The following QKI variants were observed in gnomAD, a reference collection of about 807,000 sequenced individuals.
QKI encodes QKI, KH domain containing RNA binding, also known as KH domain-containing RNA-binding protein QKI.
Under a neutral mutation model 39.0 loss-of-function variants are expected in QKI, and 10 were observed. The ratio of observed to expected loss-of-function variants is 0.26; its 90% CI spans 0.16 to 0.43. QKI has a LOEUF of 0.43. QKI is among the 20% of genes least tolerant of loss of function. The pLI, the probability that QKI is intolerant of heterozygous loss-of-function variation, is 1.00. For missense variants in QKI, 218 were observed against 428.0 expected (o/e 0.51, Z 4.33); for synonymous variants, 204 against 155.4 (o/e 1.31, Z -2.33).
chr6:163,528,564 T>C (rs1359803838), intron 3 of QKI, among the ~76,000 whole-genome samples: 1 of 152,164 alleles, frequency 6.6e-6, no homozygotes, highest in African/African-American at 2.4e-5. Context: ...GATGTATTTA[T>C]ATTGCTTAGC....
At chr6:163,568,252 T>C (rs1000550295) in intron 7 of QKI, 22 of 985,138 alleles carry the variant, frequency 2.2e-5, no homozygotes, top group African/African-American at 1.9e-4. Flanking sequence ...GTAGTTTTTT[T>C]CCCCCAGCTA....
chr6:163,465,971 A>G (rs1791712030), intron 2 of QKI, among the ~76,000 whole-genome samples: 1 of 151,778 alleles, frequency 6.6e-6, no homozygotes, highest in African/African-American at 2.4e-5. Flanking sequence ...AAAAAATACA[A>G]AAAAAACAAC....
intron 4 of QKI, among the ~76,000 whole-genome samples, chr6:163,548,527 C>T (rs79504979): frequency 0.048 from 7,265 of 152,242 alleles, 215 homozygotes; most frequent in African/African-American, 0.088. Context: ...TTAAATTTTA[C>T]ACTTTAAACA....
intron 6 of QKI, chr6:163,564,604 G>A: frequency 1.2e-6 from 2 of 1,610,674 alleles, no homozygotes; most frequent in South Asian, 1.1e-5. Context: ...ATAAACGCTT[G>A]GTTTTACATG....
intron 4 of QKI, among the ~76,000 whole-genome samples, chr6:163,538,756 G>A (rs1329224988): frequency 6.6e-6 from 1 of 152,156 alleles, no homozygotes; most frequent in East Asian, 1.9e-4. Context: ...GTGATTTGGA[G>A]TAGTGTTGAA....
intron 1 of QKI, among the ~76,000 whole-genome samples, chr6:163,454,323 T>G (rs956919136): frequency 3.3e-5 from 5 of 152,178 alleles, no homozygotes; most frequent in African/African-American, 1.2e-4. Flanking sequence ...AAAATGTCTA[T>G]GTATATCCAA....
rs1374119809 is a variant in QKI at position 163,574,399 on chromosome 6, G to T, written c.*3689G>T. The stretch of plus-strand genomic sequence containing the variant: ...CTCCTATTAGGGGAGCTTAACTTGG[G>T]TAAAGTCAAAGGCCCACTGGCTGTT... On this transcript the variant is annotated 3_prime_UTR_variant, in exon 8 of 8. Transcript: ENST00000361752. The T allele has an allele frequency of 6.6e-6, 1 of 152,126 alleles. No individual in the cohort carries two copies. The highest frequency in any genetic ancestry group is 2.4e-5 in the African/African-American group (1 of 41,430). 9.4% of individuals were successfully genotyped at this position (152,126 alleles called of 1,614,324 possible).
intron 1 of QKI, among the ~76,000 whole-genome samples, chr6:163,426,362 C>T (rs1034425299): frequency 6.6e-6 from 1 of 151,998 alleles, no homozygotes; most frequent in African/African-American, 2.4e-5. Flanking sequence ...TAGCATCTTC[C>T]ACTGGAGTAC....
chr6:163,437,557 G>C (rs1789411316), intron 1 of QKI, among the ~76,000 whole-genome samples: 1 of 152,172 alleles, frequency 6.6e-6, no homozygotes, highest in Non-Finnish European at 1.5e-5. Context: ...GAAAACACCT[G>C]AAGTAATTGA....
At chr6:163,449,593 G>A (rs529137465) in intron 1 of QKI, among the ~76,000 whole-genome samples, 1 of 152,264 alleles carries the variant, frequency 6.6e-6, no homozygotes, top group South Asian at 2.1e-4. Flanking sequence ...TACAAATCCT[G>A]AAAGTAATTC....
chr6:163,566,816 C>G, intron 7 of QKI, 21 bp downstream of exon 7: 1 of 1,612,276 alleles, frequency 6.2e-7, no homozygotes, highest in Non-Finnish European at 8.5e-7. Context: ...TTCTGCAGTT[C>G]TTGTCTATAA....
At chr6:163,527,264 C>A (rs1288864064) in intron 3 of QKI, among the ~76,000 whole-genome samples, 5 of 152,132 alleles carry the variant, frequency 3.3e-5, no homozygotes, top group African/African-American at 4.8e-5. Flanking sequence ...TGTGTGAAAT[C>A]TACTTTATGC....
At position 163,574,446 on chromosome 6, in the gene QKI, C is replaced by T. The variant is rs979161803; in HGVS notation, c.*3736C>T. Reference sequence around the variant, plus strand: ...TGTTTCTCATGGTGGCCTGAAGCCCCGCTGCTTTCCAGTGAGGAAAAGAAC... The same window carrying T: ...TGTTTCTCATGGTGGCCTGAAGCCCTGCTGCTTTCCAGTGAGGAAAAGAAC... On this transcript the variant is annotated 3_prime_UTR_variant, in exon 8 of 8. Coordinates refer to ENST00000361752, the MANE Select transcript of QKI (RefSeq NM_006775.3). 13 of 152,272 alleles carry T rather than the reference C, an allele frequency of 8.5e-5. No homozygotes were observed. Among genetic ancestry groups the T allele is most frequent in the Non-Finnish European group, 1.3e-4 (9 of 68,026 alleles). The allele number at this position is 152,272 out of a possible 1,614,324, so 9.4% of individuals were successfully genotyped here. A position where few individuals can be genotyped will look rare whatever the true frequency, so the allele number is the denominator to read the frequency against.
At chr6:163,538,590 G>T (rs1378461528) in intron 4 of QKI, among the ~76,000 whole-genome samples, 2 of 152,118 alleles carry the variant, frequency 1.3e-5, no homozygotes, top group African/African-American at 4.8e-5. Context: ...GAGATGAGAA[G>T]CTATTTATTG....
chr6:163,426,726 T>C (rs541631867), intron 1 of QKI, among the ~76,000 whole-genome samples: 2 of 152,294 alleles, frequency 1.3e-5, no homozygotes, highest in Admixed American at 6.5e-5. Context: ...CGGAAATACA[T>C]TGCGATTTTG....
At chr6:163,416,709 T>TA (rs540626469) in intron 1 of QKI, among the ~76,000 whole-genome samples, 13 of 152,232 alleles carry the variant, frequency 8.5e-5, no homozygotes, top group African/African-American at 2.7e-4. Flanking sequence ...GGTTAGGTGT[T>TA]ACGGCTTTCT....
chr6:163,562,082 T>A lies in QKI; in HGVS notation c.634+13T>A. The A allele has an allele frequency of 6.2e-7, 1 of 1,604,640 alleles. No individual in the cohort carries two copies. Among genetic ancestry groups the A allele is most frequent in the Non-Finnish European group, 8.5e-7 (1 of 1,174,798 alleles). ...AACATTAAATCACGTAAGAATGAGC[T>A]CTGAGGCCCAGGGTTACTGCTGTCT... is the stretch of plus-strand genomic sequence containing the variant. On this transcript the variant is annotated intron_variant, in intron 5 of 7. Coordinates refer to ENST00000361752, the MANE Select transcript of QKI (RefSeq NM_006775.3).
intron 1 of QKI, among the ~76,000 whole-genome samples, chr6:163,424,931 T>C (rs1410196400): frequency 3.3e-5 from 5 of 152,194 alleles, no homozygotes; most frequent in Non-Finnish European, 7.3e-5. Flanking sequence ...GCCCCCGGCC[T>C]GCGTCATCTG....
chr6:163,527,725 A>G (rs1780604745), intron 3 of QKI, among the ~76,000 whole-genome samples: 1 of 152,188 alleles, frequency 6.6e-6, no homozygotes, highest in African/African-American at 2.4e-5. Flanking sequence ...TTTACTTTGT[A>G]GTTTTACATC....
Sources: allele counts gnomAD v4.1 joint callset (sites outside exome capture counted in the v4.1 genomes callset), GRCh38; gene constraint gnomAD v4.1.1; transcripts MANE v1.5; gene names NCBI Gene and HGNC (gene_info 2026-07-23, HGNC 2026-07-21).